The following ATP11C variants were observed in gnomAD, a reference collection of about 807,000 sequenced individuals.
The protein encoded by ATP11C is phospholipid-transporting ATPase IG.
In ATP11C, 36 loss-of-function variants were observed where a neutral mutation model predicts 97.4. That is an observed-to-expected ratio of 0.37 (90% confidence interval 0.28 to 0.49). ATP11C has a LOEUF of 0.49. Among genes scored for constraint, ATP11C ranks in the 20% least tolerant of loss-of-function variants. ATP11C has a pLI of 0.98. For missense variants in ATP11C, 730 were observed against 824.6 expected, an observed-to-expected ratio of 0.89 and a Z score of 1.40; for synonymous variants, 275 against 290.9, an observed-to-expected ratio of 0.95 and a Z score of 0.56.
At chrX:139,860,029 C>T (rs1315077979) in intron 1 of ATP11C, among the ~76,000 whole-genome samples, 2 of 73,923 alleles carry the variant, frequency 2.7e-5, no homozygotes, top group African/African-American at 1.2e-4. Flanking sequence ...GGCGTGAACC[C>T]GGGAGGCGGA....
At chrX:139,816,395 C>T (rs2083288175) in intron 4 of ATP11C, among the ~76,000 whole-genome samples, 1 of 111,729 alleles carries the variant, frequency 9.0e-6, no homozygotes, top group Non-Finnish European at 1.9e-5. Flanking sequence ...CAATCTGTGG[C>T]AGTCTATCAG....
chrX:139,757,066 G>A (rs2081952007), intron 23 of ATP11C, among the ~76,000 whole-genome samples: 1 of 108,647 alleles, frequency 9.2e-6, no homozygotes, highest in African/African-American at 3.3e-5. Context: ...ATTCATAAGT[G>A]TACTTTGTAT....
chrX:139,754,285 A>G (rs777025263), intron 23 of ATP11C, among the ~76,000 whole-genome samples: 5 of 111,381 alleles, frequency 4.5e-5, no homozygotes, highest in African/African-American at 6.5e-5. Flanking sequence ...TCAGAAAACC[A>G]GAGATTTCCT....
At chrX:139,836,506 C>T (rs1052176042) in intron 1 of ATP11C, among the ~76,000 whole-genome samples, 2 of 111,362 alleles carry the variant, frequency 1.8e-5, no homozygotes, top group African/African-American at 6.5e-5. Context: ...CAGAACGAGA[C>T]TCTCTCCAAA....
chrX:139,799,514 A>G (rs1486835883), intron 8 of ATP11C, among the ~76,000 whole-genome samples: 1 of 110,077 alleles, frequency 9.1e-6, no homozygotes, highest in Non-Finnish European at 1.9e-5. Flanking sequence ...ATATAATCCA[A>G]AATGTCTGGA....
chrX:139,741,502 T>C (rs2081554860), intron 26 of ATP11C, among the ~76,000 whole-genome samples: 1 of 109,648 alleles, frequency 9.1e-6, no homozygotes, highest in South Asian at 4.0e-4. Flanking sequence ...TGAAAAGAAG[T>C]AGGAGAGGGA....
intron 13 of ATP11C, 115 bp from the exon 14 acceptor site, chrX:139,788,458 T>C (rs1165015834): frequency 6.2e-6 from 4 of 646,019 alleles, no homozygotes; most frequent in Non-Finnish European, 4.8e-6. Flanking sequence ...CTAACAAACT[T>C]AGTAGCAGAT....
At chrX:139,855,483 G>A (rs896202210) in intron 1 of ATP11C, among the ~76,000 whole-genome samples, 2 of 111,148 alleles carry the variant, frequency 1.8e-5, no homozygotes, top group Admixed American at 9.6e-5. Flanking sequence ...ACCGCTGTTC[G>A]TACAGCAAAA....
intron 2 of ATP11C, 72 bp from the exon 3 acceptor site, chrX:139,819,499 A>G (rs2083357382): frequency 7.5e-6 from 3 of 398,459 alleles, no homozygotes; most frequent in African/African-American, 7.5e-5. Flanking sequence ...ATGACTGATT[A>G]TGGGTCCACA....
At position 139,801,489 on chromosome X, in the gene ATP11C, A is replaced by G. The variant is rs1463724183; in HGVS notation, c.659+747T>C. On this transcript the variant is annotated intron_variant, in intron 7 of 29. Transcript: ENST00000682941. ...CTAGGTGTTAGTGTAAACCACATCC[A>G]ACCACTTGGTCACTCATTATGACTA... 2.7e-5 allele frequency among the ~76,000 whole-genome samples: 3 copies of G among 112,213 alleles called. No individual in the cohort carries two copies. The Admixed American group carries it at 2.8e-4, about 11-fold the overall frequency.
chrX:139,767,421 G>C (rs753653320), intron 20 of ATP11C, among the ~76,000 whole-genome samples: 52 of 111,488 alleles, frequency 4.7e-4, no homozygotes, highest in Admixed American at 1.1e-3. Context: ...AGGATCAAAG[G>C]TAGTTTTGAG....
In ATP11C at chrX:139,733,349, T is replaced by C. The variant is rs865940602; in HGVS notation, c.3289-1594A>G. Among the ~76,000 whole-genome samples the C allele has an allele frequency of 3.0e-4, 34 of 112,156 alleles. 1 individual carries two copies. The highest frequency in any genetic ancestry group is 1.7e-4 in the Non-Finnish European group (9 of 53,063). On this transcript the variant is annotated intron_variant, in intron 28 of 29. Coordinates refer to ENST00000682941, the MANE Select transcript of ATP11C (RefSeq NM_001353812.2). The stretch of plus-strand genomic sequence containing the variant: ...CCCAAGCAAAACAGAAGATGAGTGG[T>C]CAACAATGTGGATGACTTGAACAAC...
At chrX:139,933,703 C>T (rs1033841188), upstream of ATP11C, among the ~76,000 whole-genome samples, 5 of 112,489 alleles carry the variant, frequency 4.4e-5, no homozygotes, top group African/African-American at 1.6e-4. Flanking sequence ...AGGGCCCAGC[C>T]ACACCACAGG....
At chrX:139,858,893 T>A (rs771756346) in intron 1 of ATP11C, among the ~76,000 whole-genome samples, 1 of 112,157 alleles carries the variant, frequency 8.9e-6, no homozygotes, top group Non-Finnish European at 1.9e-5. Flanking sequence ...ATTCACAGCA[T>A]TGTGCAACCA....
rs553273531 is a variant in ATP11C at position 139,815,391 on chromosome X, T to C, written c.319-406A>G. Among the ~76,000 whole-genome samples the C allele has an allele frequency of 1.2e-4, 14 of 112,144 alleles. No homozygotes were observed. In the East Asian group the frequency reaches 3.6e-3, roughly 29 times the overall value. ...TCACTTACATATAATCTTTTGTATATGCTGTAGTAGACTGTTCGAGTAATC... is the reference window on the plus strand; with the variant it reads ...TCACTTACATATAATCTTTTGTATACGCTGTAGTAGACTGTTCGAGTAATC... On this transcript the variant is annotated intron_variant, in intron 4 of 29. Transcript: ENST00000682941.
At chrX:139,859,765 T>C (rs907024919) in intron 1 of ATP11C, among the ~76,000 whole-genome samples, 2 of 112,060 alleles carry the variant, frequency 1.8e-5, no homozygotes, top group African/African-American at 3.2e-5. Flanking sequence ...GCCAGAAGGG[T>C]ATATAAATGC....
intron 1 of ATP11C, among the ~76,000 whole-genome samples, chrX:139,902,191 C>G (rs2084909461): frequency 9.0e-6 from 1 of 111,144 alleles, no homozygotes; most frequent in Non-Finnish European, 1.9e-5. Flanking sequence ...AAAGGCCCCT[C>G]CCAGCTTCAA....
At chrX:139,890,517 G>A (rs944738012) in intron 1 of ATP11C, among the ~76,000 whole-genome samples, 4 of 111,631 alleles carry the variant, frequency 3.6e-5, no homozygotes, top group Non-Finnish European at 7.5e-5. Flanking sequence ...GGGTGACAGT[G>A]TCAGACCCCA....
At chrX:139,879,347 CA>C (rs202008609) in intron 1 of ATP11C, among the ~76,000 whole-genome samples, 81 of 103,616 alleles carry the variant, frequency 7.8e-4, no homozygotes, top group Non-Finnish European at 1.1e-3. Context: ...ATTAAAAAAA[CA>C]AAAAAAAAAT....
Sources: allele counts gnomAD v4.1 joint callset (sites outside exome capture counted in the v4.1 genomes callset), GRCh38; gene constraint gnomAD v4.1.1; transcripts MANE v1.5; gene names NCBI Gene and HGNC (gene_info 2026-07-23, HGNC 2026-07-21).